Variants in SPATA13 observed in about 807,000 individuals in gnomAD.
SPATA13 encodes spermatogenesis-associated protein 13.
A neutral mutation model predicts 104.0 loss-of-function variants in SPATA13; 50 were observed. That is an observed-to-expected ratio of 0.48 (90% CI 0.38 to 0.61). The LOEUF (loss-of-function observed/expected upper bound fraction) is 0.61, where lower values mean the gene tolerates loss of function less well. Ranked by LOEUF, SPATA13 falls within the 20% of genes least tolerant of loss-of-function variation. The probability of loss-of-function intolerance (pLI) is 0.00; values close to 1 mark genes in which losing one functional copy is unlikely to be tolerated. For synonymous variants in SPATA13, 606 were observed against 667.5 expected (o/e 0.91, Z 1.42); for missense variants, 1,524 against 1,690.6 (o/e 0.90, Z 1.73).
intron 4 of SPATA13, among the ~76,000 whole-genome samples, chr13:24,269,673 A>G (rs895536900): frequency 2.0e-5 from 3 of 151,732 alleles, no homozygotes; most frequent in Admixed American, 1.3e-4. Context: ...GGCTCAAGCA[A>G]TCCTCCCACC....
Position 24,286,471 on chromosome 13 carries a change from T to A in SPATA13, c.2481+78T>A. 1.4e-6 allele frequency: 2 copies of A among 1,429,056 alleles called. No homozygotes were observed. Among genetic ancestry groups the A allele is most frequent in the Non-Finnish European group, 9.5e-7 (1 of 1,056,994 alleles). The allele number at this position is 1,429,056 out of a possible 1,614,324, so 88.5% of individuals were successfully genotyped here. On this transcript the variant is annotated intron_variant, in intron 6 of 12. Coordinates refer to ENST00000382108, the MANE Select transcript of SPATA13 (RefSeq NM_001166271.3). The surrounding 1 kb of genome is among the most constrained non-coding windows in gnomAD (Gnocchi z 4.9). ...TCCTTTCAGGTCAGAACTCGCCTTT[T>A]ATCAGGTCAGCTCTTTTGTAATTGA...
rs1258588227 is a variant in SPATA13 at position 24,161,446 on chromosome 13, A to G, written c.-112+514A>G. On this transcript the variant is annotated intron_variant, in intron 1 of 12. Transcript: ENST00000382108. The surrounding 1 kb of genome is among the most constrained non-coding windows in gnomAD (Gnocchi z 4.5). The stretch of plus-strand genomic sequence containing the variant: ...AGCAAGTTTCTCTTGGTACCAGCGG[A>G]GTCTCGTCCCAGGGGAAAGATTTTG... Among the ~76,000 whole-genome samples, 2 of 152,110 alleles carry G rather than the reference A, an allele frequency of 1.3e-5. No homozygotes were observed. Among genetic ancestry groups the G allele is most frequent in the South Asian group, 4.1e-4 (2 of 4,824 alleles).
chr13:24,024,592 A>G (rs1456154852), intron 3 of SPATA13, among the ~76,000 whole-genome samples: 1 of 152,042 alleles, frequency 6.6e-6, no homozygotes, highest in African/African-American at 2.4e-5. Context: ...AGCAGCTGGC[A>G]CGCTGCTGCT....
chr13:24,159,876 A>G (rs1882395480), upstream of SPATA13, among the ~76,000 whole-genome samples: 1 of 152,252 alleles, frequency 6.6e-6, no homozygotes, highest in Non-Finnish European at 1.5e-5. Flanking sequence ...CTACACTGGT[A>G]GAAAGCATGC....
chr13:24,141,506 C>G (rs551313774), intron 3 of SPATA13, among the ~76,000 whole-genome samples: 1 of 152,198 alleles, frequency 6.6e-6, no homozygotes, highest in African/African-American at 2.4e-5. Flanking sequence ...ACTCCTCCAG[C>G]TGAGCTCTAA....
intron 2 of SPATA13, among the ~76,000 whole-genome samples, chr13:24,246,150 T>C (rs1335665333): frequency 6.6e-6 from 1 of 152,188 alleles, no homozygotes; most frequent in Non-Finnish European, 1.5e-5. Context: ...GGGCTGCACG[T>C]CCATTTGTGA....
At chr13:24,158,886 A>G (rs781158096), upstream of SPATA13, among the ~76,000 whole-genome samples, 2 of 152,190 alleles carry the variant, frequency 1.3e-5, no homozygotes, top group Non-Finnish European at 2.9e-5. Context: ...CTTCAGGTCT[A>G]GTTGGTATCA....
intron 3 of SPATA13, among the ~76,000 whole-genome samples, chr13:24,143,539 G>C (rs1411251977): frequency 1.3e-5 from 2 of 152,164 alleles, no homozygotes; most frequent in African/African-American, 4.8e-5. Context: ...AAGCAGAAAA[G>C]AAAAATGTGT....
chr13:24,285,996 A>G (rs1875907344), intron 5 of SPATA13, among the ~76,000 whole-genome samples: 2 of 152,114 alleles, frequency 1.3e-5, no homozygotes, highest in Admixed American at 1.3e-4. Context: ...GCTTTCTTTA[A>G]AAGCAGGTAG....
intron 2 of SPATA13, chr13:24,224,914 A>G (rs898946804): frequency 7.6e-6 from 3 of 393,980 alleles, no homozygotes; most frequent in African/African-American, 2.1e-5. Context: ...CTTCTGCTCC[A>G]TGCAGCTCTG....
At chr13:24,172,508 T>G (rs889160278) in intron 1 of SPATA13, among the ~76,000 whole-genome samples, 78 of 152,380 alleles carry the variant, frequency 5.1e-4, no homozygotes, top group African/African-American at 1.8e-3. Context: ...GTTAAGTCCA[T>G]GATCCATTCA....
chr13:24,120,272 A>G (rs1593342463), intron 3 of SPATA13, among the ~76,000 whole-genome samples: 1 of 152,204 alleles, frequency 6.6e-6, no homozygotes, highest in East Asian at 1.9e-4. Flanking sequence ...GAGTGTAACT[A>G]CAGGGAAACA....
rs1011655435 is a variant in SPATA13, at chr13:24,051,644, G to C, written c.-112+33943G>C. Among the ~76,000 whole-genome samples, 3 of 152,150 alleles carry C rather than the reference G, an allele frequency of 2.0e-5. No homozygotes were observed. The highest frequency in any genetic ancestry group is 4.4e-5 in the Non-Finnish European group (3 of 68,020). On this transcript the variant is annotated intron_variant, in intron 3 of 14. Transcript: ENST00000424834. The surrounding 1 kb of genome is among the most constrained non-coding windows in gnomAD (Gnocchi z 4.2). The stretch of plus-strand genomic sequence containing the variant: ...CAATGCTCCCTGTTTGGGGATGGAG[G>C]GGTGGGGACTTAGGGGCAAGGGGAA...
At chr13:24,189,731 A>T (rs1328453222) in intron 1 of SPATA13, among the ~76,000 whole-genome samples, 14 of 9,676 alleles carry the variant, frequency 1.4e-3, no homozygotes, top group South Asian at 9.6e-3. Context: ...ATAATATATA[A>T]TATATTATAT....
chr13:24,105,243 C>T (rs1880399995), intron 3 of SPATA13, among the ~76,000 whole-genome samples: 1 of 152,208 alleles, frequency 6.6e-6, no homozygotes, highest in South Asian at 2.1e-4. Context: ...CCACCTCAGC[C>T]TCCAGAGTAG....
intron 2 of SPATA13, among the ~76,000 whole-genome samples, chr13:23,996,167 G>C (rs1045410444): frequency 6.6e-6 from 1 of 152,102 alleles, no homozygotes; most frequent in Non-Finnish European, 1.5e-5. Flanking sequence ...ATATTTCAGG[G>C]GTCAGGAGTC....
intron 3 of SPATA13, among the ~76,000 whole-genome samples, chr13:24,130,336 C>T (rs1881354276): frequency 6.6e-6 from 1 of 152,148 alleles, no homozygotes; most frequent in Admixed American, 6.5e-5. Context: ...TGTACAGGCA[C>T]CTCCCTGTAA....
At chr13:24,074,638 TAA>T (rs35793567) in intron 3 of SPATA13, among the ~76,000 whole-genome samples, 2 of 151,352 alleles carry the variant, frequency 1.3e-5, no homozygotes, top group Non-Finnish European at 2.9e-5. Flanking sequence ...GTAAAGTGAT[TAA>T]AAAAAAAACC....
rs1870653873 is a variant in SPATA13 at position 24,205,514 on chromosome 13, C to A, written c.-111-17305C>A. ...ATAAAAATGGCCATACTGCTCAAAG[C>A]AATTTATCAATTCAATGCTATTCTG... is the stretch of plus-strand genomic sequence containing the variant. On this transcript the variant is annotated intron_variant, in intron 1 of 12. Coordinates refer to ENST00000382108, the MANE Select transcript of SPATA13 (RefSeq NM_001166271.3). This position sits in a 1 kb window ranked among gnomAD's most constrained non-coding sequence, Gnocchi z 4.1. Among the ~76,000 whole-genome samples the A allele has an allele frequency of 6.6e-6, 1 of 152,136 alleles. No homozygotes were observed. The highest frequency in any genetic ancestry group is 6.5e-5 in the Admixed American group (1 of 15,272).
Sources: gnomAD v4.1 joint callset for allele counts (sites outside exome capture counted in the v4.1 genomes callset) on GRCh38, gnomAD v4.1.1 for gene constraint, Gnocchi (gnomAD v3.1) non-coding constraint, MANE v1.5 for transcripts, NCBI Gene and HGNC (gene_info 2026-07-23, HGNC 2026-07-21) for gene names.